Variants in EIF4ENIF1 observed in about 807,000 individuals in gnomAD.
EIF4ENIF1 encodes eukaryotic translation initiation factor 4E nuclear import factor 1.
EIF4ENIF1 carries 23 observed loss-of-function variants against 110.5 expected under a neutral mutation model. That is an observed-to-expected ratio of 0.21 (90% CI 0.15 to 0.29). The LOEUF is 0.29. EIF4ENIF1 is among the 10% of genes least tolerant of loss of function. EIF4ENIF1 has a pLI of 1.00. For synonymous variants in EIF4ENIF1, 440 were observed against 437.0 expected, an observed-to-expected ratio of 1.01 and a Z score of -0.09; for missense variants, 1,031 against 1,221.1, an observed-to-expected ratio of 0.84 and a Z score of 2.32.
intron 2 of EIF4ENIF1, among the ~76,000 whole-genome samples, chr22:31,476,713 G>A (rs924632641): frequency 1.8e-4 from 28 of 151,934 alleles, no homozygotes; most frequent in Admixed American, 1.8e-3. Flanking sequence ...TGGCACGCCT[G>A]TAATCCCAGC....
chr22:31,445,190 G>A (rs2050424332), intron 14 of EIF4ENIF1, among the ~76,000 whole-genome samples: 1 of 152,134 alleles, frequency 6.6e-6, no homozygotes, highest in African/African-American at 2.4e-5. Flanking sequence ...CGCTAGGGAG[G>A]GCCTTCATTC....
chr22:31,478,830 T>C (rs1345959999), intron 2 of EIF4ENIF1, among the ~76,000 whole-genome samples: 1 of 151,348 alleles, frequency 6.6e-6, no homozygotes, highest in African/African-American at 2.4e-5. Context: ...CAGGTGCCTG[T>C]AGTCCCAGCT....
chr22:31,483,924 A>G (rs1187258968), intron 2 of EIF4ENIF1, among the ~76,000 whole-genome samples: 2 of 152,240 alleles, frequency 1.3e-5, no homozygotes, highest in African/African-American at 4.8e-5. Context: ...AAACCCATTT[A>G]TAACCATCCC....
Position 31,458,483 on chromosome 22 carries a change from A to C in EIF4ENIF1, c.955T>G (p.Leu319Val). Residue 319 changes from leucine (L) to valine (V), a missense_variant, in exon 7 of 19, where the codon TTG becomes GTG. This residue lies in a region of EIF4ENIF1 where 704 missense variants were observed against 879.7 expected (regional missense o/e 0.80). Coordinates refer to ENST00000330125, the MANE Select transcript of EIF4ENIF1 (RefSeq NM_019843.4). Reference sequence around the variant, plus strand: ...TGTGCTGCTACACTCACCGAAGCCAAGCATGGCACCTTATCAAGGTTAAAG... The same window carrying C: ...TGTGCTGCTACACTCACCGAAGCCACGCATGGCACCTTATCAAGGTTAAAG... ...EFFNLDKVPC[L>V]ASMIEDVLGE... is the part of the protein sequence containing the mutation. 1 of 1,589,562 alleles carries C rather than the reference A, an allele frequency of 6.3e-7. No homozygotes were observed. Among genetic ancestry groups the C allele is most frequent in the African/African-American group, 1.3e-5 (1 of 74,556 alleles).
At chr22:31,456,354 G>A (rs1601590807) in intron 7 of EIF4ENIF1, among the ~76,000 whole-genome samples, 1 of 151,668 alleles carries the variant, frequency 6.6e-6, no homozygotes, top group Non-Finnish European at 1.5e-5. Context: ...CTCCTGAGTA[G>A]CTGGGACTAC....
intron 14 of EIF4ENIF1, 100 bp downstream of exon 14, chr22:31,447,326 A>T: frequency 7.1e-7 from 1 of 1,402,620 alleles, no homozygotes; most frequent in Non-Finnish European, 9.8e-7. Flanking sequence ...TACTGAACAT[A>T]CCACAGTATG....
At position 31,442,016 on chromosome 22, in the gene EIF4ENIF1, G is replaced by A. The variant is rs1444225262; in HGVS notation, c.2309C>T (p.Pro770Leu). 3 of 1,614,166 alleles carry A rather than the reference G, an allele frequency of 1.9e-6. No individual in the cohort carries two copies. Among genetic ancestry groups the A allele is most frequent in the South Asian group, 1.1e-5 (1 of 91,080 alleles). Reference protein sequence around the residue: ...SALQRSSCSTPLSQANRYTKE... With the variant: ...SALQRSSCSTLLSQANRYTKE... ...GGTGTAACGGTTGGCCTGGGACAGT[G>A]GGGTGGAACACGAAGACCTCTGTAA... Residue 770 changes from proline to leucine, a missense_variant, in exon 17 of 19, where the codon CCA becomes CTA. Transcript: ENST00000330125.
At chr22:31,457,650 A>G (rs1427625069) in intron 7 of EIF4ENIF1, among the ~76,000 whole-genome samples, 3 of 152,308 alleles carry the variant, frequency 2.0e-5, no homozygotes, top group African/African-American at 7.2e-5. Context: ...ATCTGGAAGA[A>G]TGTTTTCATA....
chr22:31,486,333 G>A (rs1039359168), intron 2 of EIF4ENIF1, among the ~76,000 whole-genome samples: 8 of 151,606 alleles, frequency 5.3e-5, no homozygotes, highest in East Asian at 1.9e-4. Context: ...GTGTGGCAGC[G>A]TGCACCTGTA....
In EIF4ENIF1 at chr22:31,440,780, A is replaced by G; in HGVS notation, c.2640T>C (p.Ala880=). The change falls in exon 18 of 19, where the codon GCT becomes GCC. Residue 880 remains alanine, a synonymous_variant. Transcript: ENST00000330125. ...LGQPFYPLPA[A]SHPLLNPRPG... Reference sequence around the variant, plus strand: ...GACGAGGGTTTAAGAGAGGGTGACTAGCAGCAGGTAAAGGGTAAAAGGGCT... The same window carrying G: ...GACGAGGGTTTAAGAGAGGGTGACTGGCAGCAGGTAAAGGGTAAAAGGGCT... The G allele has an allele frequency of 1.9e-6, 3 of 1,614,024 alleles. No homozygotes were observed. The highest frequency in any genetic ancestry group is 1.7e-6 in the Non-Finnish European group (2 of 1,179,882).
intron 10 of EIF4ENIF1, chr22:31,450,763 T>G: frequency 4.0e-6 from 1 of 252,628 alleles, no homozygotes; most frequent in Non-Finnish European, 7.8e-6. Context: ...CACATACATA[T>G]ATACATACAT....
At chr22:31,493,023 C>T (rs1346544121), upstream of EIF4ENIF1, among the ~76,000 whole-genome samples, 2 of 151,740 alleles carry the variant, frequency 1.3e-5, no homozygotes, top group Non-Finnish European at 2.9e-5. Context: ...AGCTACCACG[C>T]CCGGCCTGAT....
In EIF4ENIF1 at chr22:31,444,630, G is replaced by C. The variant is rs141797212; in HGVS notation, c.2049C>G (p.Ala683=). 8.1e-6 allele frequency: 13 copies of C among 1,614,004 alleles called. No individual in the cohort carries two copies. In the African/African-American group the frequency reaches 1.7e-4, roughly 22 times the overall value. ...PVHRGNSSSP[A]PAASITSMLS... ...CCATGCTTGTGATGGAGGCAGCAGG[G>C]GCAGGGGAAGAGGAATTCCCTCGAT... The change falls in exon 15 of 19, where the codon GCC becomes GCG. Residue 683 remains alanine (A), a synonymous_variant. Transcript: ENST00000330125.
At position 31,439,952 on chromosome 22, in the gene EIF4ENIF1, A is replaced by G. The variant is rs2050239224; in HGVS notation, c.2886T>C (p.Asp962=). Residue 962 remains aspartate (D), a synonymous_variant, in exon 19 of 19, where the codon GAT becomes GAC. Coordinates refer to ENST00000330125, the MANE Select transcript of EIF4ENIF1 (RefSeq NM_019843.4). ...PVGLAKWFGS[D]VLQQPLPSMP... ...TGGAGGGCAGGGGTTGCTGTAGCAC[A>G]TCTGAGCCAAACCATTTGGCAAGGC... 6.8e-6 allele frequency: 11 copies of G among 1,614,056 alleles called. No homozygotes were observed. The highest frequency in any genetic ancestry group is 9.3e-6 in the Non-Finnish European group (11 of 1,180,024).
At position 31,488,739 on chromosome 22, in the gene EIF4ENIF1, T is replaced by G; in HGVS notation, c.-21A>C. ...TCCATGGCTCCTTGGTCTACAATGCTCTGCACCTGGAAGATAAATCGGCAC... is the reference window on the plus strand; with the variant it reads ...TCCATGGCTCCTTGGTCTACAATGCGCTGCACCTGGAAGATAAATCGGCAC... On this transcript the variant is annotated 5_prime_UTR_variant, in exon 2 of 19. Transcript: ENST00000330125. 6.2e-7 allele frequency: 1 copy of G among 1,610,160 alleles called. No homozygotes were observed. The highest frequency in any genetic ancestry group is 8.5e-7 in the Non-Finnish European group (1 of 1,178,462).
chr22:31,455,445 C>A (rs1000174500), intron 8 of EIF4ENIF1, 130 bp from the exon 9 acceptor site: 2 of 818,554 alleles, frequency 2.4e-6, no homozygotes, highest in Non-Finnish European at 3.4e-6. Context: ...TTCGCCCAGG[C>A]TGGAGTGCAG....
chr22:31,455,862 C>A lies in EIF4ENIF1; in HGVS notation c.1089G>T (p.Glu363Asp). Residue 363 changes from glutamate to aspartate, a missense_variant, in exon 8 of 19, where the codon GAG (glutamate) becomes GAT (aspartate). Physicochemically the swap from Glu to Asp is conservative, Grantham distance 45. Around this residue, in one of 3 missense-constraint regions of EIF4ENIF1, gnomAD observed 704 missense variants for 879.7 expected, o/e 0.80. Transcript: ENST00000330125. ...CTGAAGCCATTTTACCTGCAAGTCT[C>A]TCTAGCTCTTCATGTGGTGTTGACC... ...SLGSTPHEEL[E>D]RLAGLEQAIL... 6.2e-7 allele frequency: 1 copy of A among 1,614,182 alleles called. No homozygotes were observed.
At chr22:31,452,577 C>T (rs1180130300) in intron 10 of EIF4ENIF1, among the ~76,000 whole-genome samples, 4 of 152,218 alleles carry the variant, frequency 2.6e-5, no homozygotes, top group Admixed American at 2.0e-4. Flanking sequence ...CTGAATGCCC[C>T]CTTCCATATT....
At chr22:31,443,951 C>G (rs955117193) in intron 15 of EIF4ENIF1, among the ~76,000 whole-genome samples, 10 of 151,922 alleles carry the variant, frequency 6.6e-5, no homozygotes, top group Non-Finnish European at 1.0e-4. Context: ...TGTGCACCAC[C>G]ATGCCCGACT....
Sources: gnomAD v4.1 joint callset for allele counts (sites outside exome capture counted in the v4.1 genomes callset) on GRCh38, gnomAD v4.1.1 for gene constraint, gnomAD v4.1.1 regional missense constraint, MANE v1.5 for transcripts, NCBI Gene and HGNC (gene_info 2026-07-23, HGNC 2026-07-21) for gene names.